Variants in ITGA9 observed in about 807,000 individuals in gnomAD.
ITGA9 encodes the protein integrin subunit alpha 9.
ITGA9 carries 56 observed loss-of-function variants against 127.8 expected under a neutral mutation model. The observed-to-expected ratio is 0.44, with a 90% CI of 0.35 to 0.55. ITGA9 has a LOEUF of 0.55. Ranked by LOEUF, ITGA9 falls within the 20% of genes least tolerant of loss-of-function variation. The pLI, the probability that ITGA9 is intolerant of heterozygous loss-of-function variation, is 0.00. For synonymous variants in ITGA9, 508 were observed against 514.5 expected (o/e 0.99, Z 0.17); for missense variants, 1,196 against 1,347.1 (o/e 0.89, Z 1.76).
chr3:37,579,376 A>G (rs1407751987), intron 15 of ITGA9, among the ~76,000 whole-genome samples: 1 of 152,196 alleles, frequency 6.6e-6, no homozygotes, highest in Admixed American at 6.5e-5. Flanking sequence ...TTATGGCCCA[A>G]TGTGGCTGTT....
At chr3:37,457,884 T>C (rs1392743216) in intron 1 of ITGA9, among the ~76,000 whole-genome samples, 3 of 152,172 alleles carry the variant, frequency 2.0e-5, no homozygotes, top group African/African-American at 7.2e-5. Flanking sequence ...TCTCAACCAG[T>C]CATTAACGGC....
chr3:37,786,134 G>A (rs982899979), intron 26 of ITGA9, among the ~76,000 whole-genome samples: 1 of 152,236 alleles, frequency 6.6e-6, no homozygotes, highest in Non-Finnish European at 1.5e-5. Context: ...GTGCAATGAT[G>A]CTACCTGTCT....
intron 16 of ITGA9, among the ~76,000 whole-genome samples, chr3:37,641,663 TC>T (rs1700334999): frequency 6.6e-6 from 1 of 151,420 alleles, no homozygotes. Context: ...GGAGCTCCCT[TC>T]CCCCTCAGAA....
Position 37,533,420 on chromosome 3 carries a change from GT to G in ITGA9, c.1481del (p.Val494AlafsTer18). 1 of 1,614,154 alleles carries G rather than the reference GT, an allele frequency of 6.2e-7. No individual in the cohort carries two copies. The highest frequency in any genetic ancestry group is 8.5e-7 in the Non-Finnish European group (1 of 1,180,044). On this transcript the variant is annotated frameshift_variant, in exon 14 of 28. Coordinates refer to ENST00000264741, the MANE Select transcript of ITGA9 (RefSeq NM_002207.3). LOFTEE classifies it high-confidence loss of function. ...ACAGCAGCCTGTGAACTGCCTGAACGTCACCACCTGCTTCAGCTTCCATGGC... is the reference window on the plus strand; with the variant it reads ...ACAGCAGCCTGTGAACTGCCTGAACGCACCACCTGCTTCAGCTTCCATGGC... Reference protein sequence around the residue: ...DGQQPVNCLNVTTCFSFHGKH... With the variant: ...DGQQPVNCLNXTTCFSFHGKH...
At chr3:37,643,586 C>T (rs1700352113) in intron 16 of ITGA9, among the ~76,000 whole-genome samples, 1 of 152,196 alleles carries the variant, frequency 6.6e-6, no homozygotes, top group South Asian at 2.1e-4. Context: ...TCAAACTCTT[C>T]AAGCTTATTG....
At chr3:37,657,067 T>C (rs1353353864) in intron 17 of ITGA9, among the ~76,000 whole-genome samples, 5 of 152,234 alleles carry the variant, frequency 3.3e-5, no homozygotes, top group Non-Finnish European at 7.3e-5. Flanking sequence ...GATAAACTTT[T>C]TGATGTGCGG....
intron 18 of ITGA9, among the ~76,000 whole-genome samples, chr3:37,711,435 C>T (rs1701078504): frequency 6.6e-6 from 1 of 152,202 alleles, no homozygotes. Context: ...AAAATCGAGC[C>T]ACTAAGTCTG....
At chr3:37,677,404 A>C (rs1356652579) in intron 17 of ITGA9, among the ~76,000 whole-genome samples, 7 of 152,220 alleles carry the variant, frequency 4.6e-5, no homozygotes, top group Non-Finnish European at 8.8e-5. Context: ...AGACATCTAG[A>C]GTCATCTCAA....
intron 23 of ITGA9, among the ~76,000 whole-genome samples, chr3:37,754,900 T>C (rs1485504265): frequency 6.6e-6 from 1 of 152,166 alleles, no homozygotes; most frequent in African/African-American, 2.4e-5. Context: ...AATATGCACC[T>C]GATACATCAC....
chr3:37,760,002 G>A (rs574346917), intron 23 of ITGA9, among the ~76,000 whole-genome samples: 2 of 151,926 alleles, frequency 1.3e-5, no homozygotes, highest in Admixed American at 6.5e-5. Flanking sequence ...TGAGGCGGGT[G>A]TGAGGTTAGG....
chr3:37,755,710 C>A (rs1043086618), intron 23 of ITGA9, among the ~76,000 whole-genome samples: 2 of 151,888 alleles, frequency 1.3e-5, no homozygotes, highest in African/African-American at 4.8e-5. Flanking sequence ...AAACTTATTC[C>A]TTTTTTTAAA....
chr3:37,586,997 A>G (rs1181769748), intron 15 of ITGA9, among the ~76,000 whole-genome samples: 1 of 152,214 alleles, frequency 6.6e-6, no homozygotes, highest in Non-Finnish European at 1.5e-5. Flanking sequence ...TGTGATGCCC[A>G]CATGTTTTAG....
intron 26 of ITGA9, among the ~76,000 whole-genome samples, chr3:37,793,036 G>A (rs1253647963): frequency 2.0e-5 from 3 of 151,992 alleles, no homozygotes; most frequent in Non-Finnish European, 4.4e-5. Context: ...TGAAAAATGA[G>A]CCTCCTTCTC....
rs1699177700 is a variant in ITGA9, at chr3:37,533,445, G to A, written c.1505G>A (p.Gly502Asp). 1 of 1,614,004 alleles carries A rather than the reference G, an allele frequency of 6.2e-7. No individual in the cohort carries two copies. Among genetic ancestry groups the A allele is most frequent in the African/African-American group, 1.3e-5 (1 of 74,928 alleles). ...LNVTTCFSFH[G>D]KHVPGEIGLN... ...GTCACCACCTGCTTCAGCTTCCATG[G>A]CAAACACGTTCCAGGAGAGATTGGT... is the stretch of plus-strand genomic sequence containing the variant. Residue 502 changes from glycine to aspartate, a missense_variant, in exon 14 of 28, where the codon GGC becomes GAC. Transcript: ENST00000264741.
rs972118586 is a variant in ITGA9, at chr3:37,452,228, C to T, written c.-147C>T. ...CCCGCTCAGCCCGCCGTCCGCGCCC[C>T]GGTGGCGGGCCCGACGCCCGCATTC... On this transcript the variant is annotated 5_prime_UTR_variant, in exon 1 of 28. Transcript: ENST00000264741. The surrounding 1 kb of genome is among the most constrained non-coding windows in gnomAD (Gnocchi z 7.3). 4 of 249,272 alleles carry T rather than the reference C, an allele frequency of 1.6e-5. No individual in the cohort carries two copies. The highest frequency in any genetic ancestry group is 2.5e-5 in the Non-Finnish European group (4 of 157,658). The allele number at this position is 249,272 out of a possible 1,614,324, so 15.4% of individuals were successfully genotyped here. A position where few individuals can be genotyped will look rare whatever the true frequency, so the allele number is the denominator to read the frequency against.
At chr3:37,757,878 C>T (rs1696673032) in intron 23 of ITGA9, among the ~76,000 whole-genome samples, 1 of 151,520 alleles carries the variant, frequency 6.6e-6, no homozygotes, top group Admixed American at 6.6e-5. Flanking sequence ...ATAAGCTGTT[C>T]CAGAGAGTAG....
intron 4 of ITGA9, among the ~76,000 whole-genome samples, chr3:37,484,130 C>A (rs1698584801): frequency 6.6e-6 from 1 of 152,190 alleles, no homozygotes; most frequent in African/African-American, 2.4e-5. Context: ...TCTTCCTTCC[C>A]ATGGGCGCAC....
chr3:37,559,732 C>G (rs1183048129), intron 15 of ITGA9, among the ~76,000 whole-genome samples: 1 of 152,126 alleles, frequency 6.6e-6, no homozygotes, highest in Non-Finnish European at 1.5e-5. Flanking sequence ...TTAAGGAAAA[C>G]CACACGGAGC....
chr3:37,458,863 G>C (rs138880338), intron 1 of ITGA9, among the ~76,000 whole-genome samples: 60 of 152,342 alleles, frequency 3.9e-4, no homozygotes, highest in Middle Eastern at 3.4e-3. Context: ...AGAAGTCACA[G>C]GTGATGGATT....
Sources: gnomAD v4.1 joint callset for allele counts (sites outside exome capture counted in the v4.1 genomes callset) on GRCh38, gnomAD v4.1.1 for gene constraint, Gnocchi (gnomAD v3.1) non-coding constraint, MANE v1.5 for transcripts, NCBI Gene and HGNC (gene_info 2026-07-23, HGNC 2026-07-21) for gene names.